COG3: variants seen among roughly 807,000 people sequenced by gnomAD.
COG3 encodes the protein component of oligomeric golgi complex 3.
Under a neutral mutation model 114.1 loss-of-function variants are expected in COG3, and 32 were observed. The ratio of observed to expected loss-of-function variants is 0.28; its 90% CI spans 0.21 to 0.38. The LOEUF (loss-of-function observed/expected upper bound fraction) is 0.38, where lower values mean the gene tolerates loss of function less well. Among genes scored for constraint, COG3 ranks in the 10% least tolerant of loss-of-function variants. The probability of loss-of-function intolerance (pLI) is 1.00; values close to 1 mark genes in which losing one functional copy is unlikely to be tolerated. For missense variants in COG3, 813 were observed against 973.2 expected (o/e 0.84, Z 2.19); for synonymous variants, 352 against 365.7 (o/e 0.96, Z 0.43).
chr13:45,465,905 G>C (rs1885109477), intron 1 of COG3: 1 of 152,238 alleles, frequency 6.6e-6, no homozygotes, highest in African/African-American at 2.4e-5. Flanking sequence ...ATGCACTACT[G>C]CTTCTTGTGT....
rs762784820 is a variant in COG3, at chr13:45,480,185, A to G, written c.444A>G (p.Val148=). The change falls in exon 4 of 23, where the codon GTA becomes GTG. Residue 148 remains valine, a synonymous_variant. Transcript: ENST00000349995. Reference sequence around the variant, plus strand: ...AGTGTGATGCTATATTGAATGATGTAAACAGTGCTCTTCAGCATCTGGAGT... The same window carrying G: ...AGTGTGATGCTATATTGAATGATGTGAACAGTGCTCTTCAGCATCTGGAGT... ...QEQCDAILND[V]NSALQHLESL... 6.2e-7 allele frequency: 1 copy of G among 1,613,628 alleles called. No individual in the cohort carries two copies. Among genetic ancestry groups the G allele is most frequent in the Non-Finnish European group, 8.5e-7 (1 of 1,179,704 alleles).
At position 45,513,659 on chromosome 13, in the gene COG3, C is replaced by T. The variant is rs539551713; in HGVS notation, c.1809+1805C>T. 2.0e-5 allele frequency among the ~76,000 whole-genome samples: 3 copies of T among 150,670 alleles called. No homozygotes were observed. The South Asian group carries it at 6.2e-4, about 31-fold the overall frequency. On this transcript the variant is annotated intron_variant, in intron 16 of 22. Coordinates refer to ENST00000349995, the MANE Select transcript of COG3 (RefSeq NM_031431.4). The stretch of plus-strand genomic sequence containing the variant: ...TTATCTTTGTGACCACTATATTTTT[C>T]TCATTCATGAAATGGAGAGGTGAAA...
At chr13:45,518,684 A>G (rs1269455349) in intron 17 of COG3, 78 bp from the exon 18 acceptor site, 5 of 1,063,188 alleles carry the variant, frequency 4.7e-6, no homozygotes, top group Non-Finnish European at 7.0e-6. Flanking sequence ...TTGTGGTGGT[A>G]GAGAACTGGT....
At chr13:45,524,465 G>C (rs1872492367) in intron 19 of COG3, among the ~76,000 whole-genome samples, 2 of 152,154 alleles carry the variant, frequency 1.3e-5, no homozygotes, top group African/African-American at 4.8e-5. Flanking sequence ...AGTCATATGT[G>C]ACTTTTTGAT....
At chr13:45,504,583 A>T (rs1256100014) in intron 14 of COG3, among the ~76,000 whole-genome samples, 1 of 152,196 alleles carries the variant, frequency 6.6e-6, no homozygotes, top group Non-Finnish European at 1.5e-5. Context: ...CATTTGAAAG[A>T]TAAAGGTGGT....
At chr13:45,479,597 G>GT in intron 3 of COG3, among the ~76,000 whole-genome samples, 1 of 152,238 alleles carries the variant, frequency 6.6e-6, no homozygotes, top group East Asian at 1.9e-4. Context: ...TTTAATCTTC[G>GT]TAACAGCTGT....
At chr13:45,465,380 C>T in intron 1 of COG3, 170 bp downstream of exon 1, 4 of 1,166,650 alleles carry the variant, frequency 3.4e-6, no homozygotes, top group Middle Eastern at 3.0e-4. Context: ...TGTCAGGCTT[C>T]GCTCTGCCTG....
At chr13:45,530,603 TATC>T in intron 21 of COG3, 76 bp from the exon 22 acceptor site, 1 of 885,368 alleles carries the variant, frequency 1.1e-6, no homozygotes. Context: ...CTTTGGCAAA[TATC>T]ATTACAATTT....
At chr13:45,496,520 A>G (rs1868796301) in intron 13 of COG3, among the ~76,000 whole-genome samples, 1 of 150,294 alleles carries the variant, frequency 6.7e-6, no homozygotes, top group South Asian at 2.1e-4. Flanking sequence ...TGCCTAGCCT[A>G]GATGTTTTTT....
chr13:45,535,118 A>G lies in COG3; in HGVS notation c.*387A>G. The G allele has an allele frequency of 9.9e-7, 1 of 1,012,026 alleles. No homozygotes were observed. Among genetic ancestry groups the G allele is most frequent in the Non-Finnish European group, 1.2e-6 (1 of 848,102 alleles). 62.7% of individuals were successfully genotyped at this position (1,012,026 alleles called of 1,614,324 possible). A position where few individuals can be genotyped will look rare whatever the true frequency, so the allele number is the denominator to read the frequency against. On this transcript the variant is annotated 3_prime_UTR_variant, in exon 23 of 23. Coordinates refer to ENST00000349995, the MANE Select transcript of COG3 (RefSeq NM_031431.4). Reference sequence around the variant, plus strand: ...GCGAATTAGAAGGCCTGTAAGAGTAAGGTTTGCTAAAACGTGAAACACTGT... The same window carrying G: ...GCGAATTAGAAGGCCTGTAAGAGTAGGGTTTGCTAAAACGTGAAACACTGT...
At chr13:45,492,379 A>G in intron 11 of COG3, 129 bp downstream of exon 11, 1 of 538,618 alleles carries the variant, frequency 1.9e-6, no homozygotes, top group Non-Finnish European at 3.3e-6. Context: ...GTCTGTGAAC[A>G]GAATATTGTT....
intron 3 of COG3, 96 bp downstream of exon 3, chr13:45,479,162 A>G (rs1886095105): frequency 2.3e-6 from 2 of 888,760 alleles, no homozygotes; most frequent in East Asian, 2.5e-5. Context: ...AAACTGAGGT[A>G]TTAAGAAAAC....
rs1593711961 is a variant in COG3 at position 45,498,652 on chromosome 13, T to G, written c.1488+2340T>G. On this transcript the variant is annotated intron_variant, in intron 13 of 22. Coordinates refer to ENST00000349995, the MANE Select transcript of COG3 (RefSeq NM_031431.4). ...GATTAATGGTTTTTTTGTTTTGTTT[T>G]GTTTTGTTTTTGGACTCTCAAGTTT... Among the ~76,000 whole-genome samples, 3 of 152,204 alleles carry G rather than the reference T, an allele frequency of 2.0e-5. No homozygotes were observed. The Middle Eastern group carries it at 0.01, about 518-fold the overall frequency.
chr13:45,492,283 A>T (rs1439858799), intron 11 of COG3, 33 bp downstream of exon 11: 2 of 1,269,462 alleles, frequency 1.6e-6, no homozygotes, highest in Non-Finnish European at 2.3e-6. Context: ...TCTTGTTCAT[A>T]AAATTTAACT....
Position 45,535,746 on chromosome 13 carries a change from C to T in COG3, c.*1015C>T, listed in dbSNP as rs1873511000. On this transcript the variant is annotated 3_prime_UTR_variant, in exon 23 of 23. Coordinates refer to ENST00000349995, the MANE Select transcript of COG3 (RefSeq NM_031431.4). The stretch of plus-strand genomic sequence containing the variant: ...CCAGCAAACCTAAGGATGACAAACA[C>T]TATCCACATCTGAAAACTACCACAC... The T allele has an allele frequency of 1.1e-5, 11 of 987,200 alleles. No homozygotes were observed. Among genetic ancestry groups the T allele is most frequent in the African/African-American group, 1.7e-5 (1 of 57,308 alleles). The allele number at this position is 987,200 out of a possible 1,614,324, so 61.2% of individuals were successfully genotyped here.
chr13:45,524,919 C>A, intron 19 of COG3, 57 bp from the exon 20 acceptor site: 1 of 1,304,504 alleles, frequency 7.7e-7, no homozygotes, highest in Non-Finnish European at 1.1e-6. Flanking sequence ...AGAGCAGTAC[C>A]AGTTTAATTT....
chr13:45,528,255 C>T (rs1357895598), intron 20 of COG3, among the ~76,000 whole-genome samples: 1 of 152,084 alleles, frequency 6.6e-6, no homozygotes, highest in Non-Finnish European at 1.5e-5. Context: ...AGGGTGGGCA[C>T]GTTACTCCTC....
intron 15 of COG3, 75 bp from the exon 16 acceptor site, chr13:45,511,690 C>T: frequency 9.1e-7 from 1 of 1,100,642 alleles, no homozygotes; most frequent in East Asian, 2.4e-5. Context: ...GTTATTTGCA[C>T]TTACAGCCTA....
At chr13:45,508,189 A>G (rs919199144) in intron 14 of COG3, among the ~76,000 whole-genome samples, 1 of 149,672 alleles carries the variant, frequency 6.7e-6, no homozygotes, top group African/African-American at 2.5e-5. Flanking sequence ...TTGTAAGAAT[A>G]TGCTGCTATA....
Sources: allele counts gnomAD v4.1 joint callset (sites outside exome capture counted in the v4.1 genomes callset), GRCh38; gene constraint gnomAD v4.1.1; transcripts MANE v1.5; gene names NCBI Gene and HGNC (gene_info 2026-07-23, HGNC 2026-07-21).